The following ANO3 variants were observed in gnomAD, a reference collection of about 807,000 sequenced individuals.
ANO3 encodes anoctamin-3.
Under a neutral mutation model 144.8 loss-of-function variants are expected in ANO3, and 99 were observed. The observed-to-expected ratio is 0.68, with a 90% CI of 0.58 to 0.81. The LOEUF (loss-of-function observed/expected upper bound fraction) is 0.81. ANO3 is among the 30% of genes least tolerant of loss of function. The pLI is 0.00. For missense variants in ANO3, 905 were observed against 1,202.2 expected, an observed-to-expected ratio of 0.75 and a Z score of 3.66; for synonymous variants, 414 against 392.6, an observed-to-expected ratio of 1.05 and a Z score of -0.64.
In ANO3 at chr11:26,342,832, A is replaced by AT. The variant is rs1451438172; in HGVS notation, c.46+10518dup. Among the ~76,000 whole-genome samples the AT allele has an allele frequency of 9.9e-5, 15 of 151,472 alleles. No homozygotes were observed. The East Asian group carries it at 2.7e-3, about 27-fold the overall frequency. On this transcript the variant is annotated intron_variant, in intron 1 of 26. Transcript: ENST00000256737. The stretch of plus-strand genomic sequence containing the variant: ...ACACTTTTATCACTTTATTTTTTTT[A>AT]TTTTTTTGTTTTCTAGTTTTATTGA...
intron 3 of ANO3, among the ~76,000 whole-genome samples, chr11:26,451,514 G>A (rs1262127510): frequency 1.3e-5 from 2 of 152,196 alleles, no homozygotes; most frequent in Non-Finnish European, 2.9e-5. Context: ...AAACTGCAAG[G>A]CGGCAGCAAG....
At chr11:26,552,564 A>T (rs1474768292) in intron 12 of ANO3, among the ~76,000 whole-genome samples, 1 of 152,094 alleles carries the variant, frequency 6.6e-6, no homozygotes, top group Non-Finnish European at 1.5e-5. Context: ...GGAAATTGTT[A>T]TTGATGTGTT....
chr11:26,651,528 GTAA>G (rs150405339), intron 24 of ANO3, among the ~76,000 whole-genome samples: 4,652 of 152,186 alleles, frequency 0.031, 98 homozygotes, highest in Non-Finnish European at 0.049. Flanking sequence ...AACATTTAAA[GTAA>G]TGTCATTCTC....
At chr11:26,646,615 C>T (rs1057429286) in intron 23 of ANO3, among the ~76,000 whole-genome samples, 1 of 151,830 alleles carries the variant, frequency 6.6e-6, no homozygotes, top group Non-Finnish European at 1.5e-5. Flanking sequence ...TTTTTGAGTG[C>T]CATTTCTCTG....
chr11:26,276,001 A>G (rs1264684541), intron 1 of ANO3, among the ~76,000 whole-genome samples: 1 of 152,156 alleles, frequency 6.6e-6, no homozygotes, highest in Non-Finnish European at 1.5e-5. Flanking sequence ...GAAGATTAAA[A>G]TACAGTAATA....
chr11:26,286,126 T>C (rs1157931668), intron 1 of ANO3: 1 of 152,108 alleles, frequency 6.6e-6, no homozygotes, highest in Non-Finnish European at 1.5e-5. Context: ...TTGTCTTCCA[T>C]ATGAAAATAA....
chr11:26,206,622 A>T (rs945293333), intron 1 of ANO3, among the ~76,000 whole-genome samples: 2 of 152,324 alleles, frequency 1.3e-5, no homozygotes, highest in South Asian at 2.1e-4. Context: ...GCAGAGAAAA[A>T]CATGTACAAG....
intron 11 of ANO3, among the ~76,000 whole-genome samples, chr11:26,546,172 TG>T (rs1415272402): frequency 1.3e-4 from 20 of 152,036 alleles, no homozygotes; most frequent in South Asian, 4.1e-4. Flanking sequence ...AACAAACAAA[TG>T]TTTTTTTTTC....
At chr11:26,649,005 T>C (rs762164808) in intron 24 of ANO3, among the ~76,000 whole-genome samples, 2 of 152,254 alleles carry the variant, frequency 1.3e-5, no homozygotes, top group Admixed American at 6.5e-5. Flanking sequence ...ATTTCCTTTA[T>C]GTATTGCATA....
chr11:26,404,063 A>G (rs891410113), intron 1 of ANO3, among the ~76,000 whole-genome samples: 6 of 151,742 alleles, frequency 4.0e-5, no homozygotes, highest in Admixed American at 6.6e-5. Context: ...CTTACATTGC[A>G]TGCATTTATT....
chr11:26,594,472 G>T (rs555451421), intron 14 of ANO3, among the ~76,000 whole-genome samples: 11 of 152,210 alleles, frequency 7.2e-5, no homozygotes, highest in African/African-American at 2.6e-4. Context: ...CATCAATATA[G>T]CCATCAAGGT....
intron 12 of ANO3, among the ~76,000 whole-genome samples, chr11:26,549,781 G>A (rs1055992977): frequency 1.3e-5 from 2 of 151,806 alleles, no homozygotes; most frequent in Non-Finnish European, 2.9e-5. Flanking sequence ...TGGTTTTAAG[G>A]CCCTGGGTTT....
intron 14 of ANO3, among the ~76,000 whole-genome samples, chr11:26,593,424 T>C (rs1345289092): frequency 6.6e-6 from 1 of 152,082 alleles, no homozygotes; most frequent in East Asian, 1.9e-4. Context: ...TAGGACCCCT[T>C]GGATAGTGAC....
upstream of ANO3, among the ~76,000 whole-genome samples, chr11:26,329,905 C>A (rs1031583411): frequency 1.1e-4 from 17 of 151,908 alleles, no homozygotes; most frequent in South Asian, 2.1e-4. Flanking sequence ...CTCCGCCTCC[C>A]GGGTTCAAGC....
chr11:26,271,324 A>T (rs1405276004), intron 1 of ANO3, among the ~76,000 whole-genome samples: 2 of 152,230 alleles, frequency 1.3e-5, no homozygotes, highest in African/African-American at 4.8e-5. Context: ...TGGGAGGTAA[A>T]CTTGCCCCTG....
At chr11:26,621,060 G>A (rs527596550) in intron 17 of ANO3, among the ~76,000 whole-genome samples, 25 of 152,236 alleles carry the variant, frequency 1.6e-4, no homozygotes, top group Non-Finnish European at 2.9e-4. Flanking sequence ...AGGCTGTATT[G>A]TGGGGCTATG....
At position 26,647,186 on chromosome 11, in the gene ANO3, G is replaced by T. The variant is rs1185527289; in HGVS notation, c.2429-523G>T. 2.0e-5 allele frequency among the ~76,000 whole-genome samples: 3 copies of T among 152,040 alleles called. No homozygotes were observed. The South Asian group carries it at 6.2e-4, about 31-fold the overall frequency. Reference sequence around the variant, plus strand: ...GTTTTTTGTGTGTATGTATTTTCATGATGCCAGATTGACCTCCTAGGAAGT... The same window carrying T: ...GTTTTTTGTGTGTATGTATTTTCATTATGCCAGATTGACCTCCTAGGAAGT... On this transcript the variant is annotated intron_variant, in intron 23 of 26. Coordinates refer to ENST00000256737, the MANE Select transcript of ANO3 (RefSeq NM_031418.4).
exon 1 of ANO3, chr11:26,309,654 AG>A: frequency 5.1e-6 from 5 of 985,254 alleles, no homozygotes; most frequent in Non-Finnish European, 6.0e-6. Context: ...GGTCTGCAAA[AG>A]TTGTGCTTTT....
At chr11:26,529,592 AGGT>A (rs1476667926) in intron 7 of ANO3, among the ~76,000 whole-genome samples, 2 of 147,234 alleles carry the variant, frequency 1.4e-5, no homozygotes, top group African/African-American at 5.0e-5. Context: ...AGAAATATTG[AGGT>A]GTGTTATATT....
Sources: allele counts gnomAD v4.1 joint callset (sites outside exome capture counted in the v4.1 genomes callset), GRCh38; gene constraint gnomAD v4.1.1; transcripts MANE v1.5; gene names NCBI Gene and HGNC (gene_info 2026-07-23, HGNC 2026-07-21).